Variants in ANKRD7 observed in about 807,000 individuals in gnomAD.
ANKRD7 encodes the protein ankyrin repeat domain 7, also known as ankyrin repeat domain-containing protein 7.
A neutral mutation model predicts 30.8 loss-of-function variants in ANKRD7; 30 were observed. That is an observed-to-expected ratio of 0.97 (90% CI 0.73 to 1.32). The LOEUF is 1.32. Among genes scored for constraint, ANKRD7 ranks in the 40% most tolerant of loss-of-function variants. ANKRD7 has a pLI of 0.00. For synonymous variants in ANKRD7, 97 were observed against 106.6 expected, an observed-to-expected ratio of 0.91 and a Z score of 0.55; for missense variants, 264 against 295.7, an observed-to-expected ratio of 0.89 and a Z score of 0.79.
intron 5 of ANKRD7, among the ~76,000 whole-genome samples, chr7:118,238,131 G>C (rs1182870922): frequency 6.6e-6 from 1 of 152,052 alleles, no homozygotes; most frequent in African/African-American, 2.4e-5. Context: ...TTGATGAGAA[G>C]GAAATCTTAC....
At chr7:118,235,816 C>G (rs901273141) in intron 3 of ANKRD7, among the ~76,000 whole-genome samples, 2 of 152,116 alleles carry the variant, frequency 1.3e-5, no homozygotes, top group Non-Finnish European at 2.9e-5. Context: ...CTCTTACCTA[C>G]AATTTGAATT....
chr7:118,240,094 T>G, intron 6 of ANKRD7, 96 bp downstream of exon 6: 1 of 499,134 alleles, frequency 2.0e-6, no homozygotes, highest in Non-Finnish European at 3.1e-6. Flanking sequence ...ACATTTAATT[T>G]TAAAATGGAA....
intron 4 of ANKRD7, 63 bp downstream of exon 4, chr7:118,236,210 A>ATGTGTGTG (rs3993811): frequency 0.031 from 18,909 of 604,972 alleles, 211 homozygotes; most frequent in African/African-American, 0.038. Flanking sequence ...GTGTGTGCGT[A>ATGTGTGTG]TGTGTGTGTG....
At chr7:118,239,778 G>T (rs2116027068) in intron 5 of ANKRD7, 131 bp from the exon 6 acceptor site, 1 of 424,124 alleles carries the variant, frequency 2.4e-6, no homozygotes. Context: ...TGGCTCAAGA[G>T]GAAGCTTGTC....
intron 1 of ANKRD7, chr7:118,227,910 T>G (rs1213317146): frequency 1.5e-6 from 2 of 1,346,482 alleles, no homozygotes; most frequent in Non-Finnish European, 2.0e-6. Context: ...TTATGTCTTT[T>G]TTTTTTTTTT....
At chr7:118,241,502 G>GAGAATT (rs1318179727) in intron 6 of ANKRD7, among the ~76,000 whole-genome samples, 1 of 140,016 alleles carries the variant, frequency 7.1e-6, no homozygotes, top group East Asian at 2.1e-4. Flanking sequence ...AAACTTAGGG[G>GAGAATT]AGAATTTCTC....
rs190131049 is a variant in ANKRD7, at chr7:118,227,973, C to T, written c.179+2964C>T. On this transcript the variant is annotated intron_variant, in intron 1 of 6. Transcript: ENST00000265224. The stretch of plus-strand genomic sequence containing the variant: ...AGATGGCTTTTATCCTACACCACTC[C>T]GCTGAATGACTTTATAAGGTAATCG... 5,599 of 1,325,910 alleles carry T rather than the reference C, an allele frequency of 4.2e-3. 13 individuals are homozygous for T. The highest frequency in any genetic ancestry group is 5.2e-3 in the Non-Finnish European group (5,190 of 998,460). 82.1% of individuals were successfully genotyped at this position (1,325,910 alleles called of 1,614,324 possible).
Position 118,226,969 on chromosome 7 carries a change from A to G in ANKRD7, c.179+1960A>G, listed in dbSNP as rs116184120. ...TTTGATTACAGAGCTTAATCTATTT[A>G]CACTTAAAGTATTTATAGATAGGGA... is the stretch of plus-strand genomic sequence containing the variant. On this transcript the variant is annotated intron_variant, in intron 1 of 6. Transcript: ENST00000265224. Among the ~76,000 whole-genome samples the G allele has an allele frequency of 1.2e-3, 188 of 152,314 alleles. 1 individual carries two copies. The highest frequency in any genetic ancestry group is 4.3e-3 in the African/African-American group (177 of 41,564).
intron 1 of ANKRD7, among the ~76,000 whole-genome samples, chr7:118,232,334 G>A (rs1809656355): frequency 6.6e-6 from 1 of 151,960 alleles, no homozygotes; most frequent in African/African-American, 2.4e-5. Flanking sequence ...TAAGATGACT[G>A]CTTTAAAAGG....
intron 5 of ANKRD7, 179 bp from the exon 6 acceptor site, chr7:118,239,730 G>A (rs1809792019): frequency 2.7e-6 from 1 of 364,604 alleles, no homozygotes; most frequent in Non-Finnish European, 5.0e-6. Context: ...CCAGAGAATG[G>A]GAGTACATGA....
intron 1 of ANKRD7, 147 bp downstream of exon 1, chr7:118,225,156 G>T: frequency 2.2e-6 from 2 of 914,154 alleles, no homozygotes; most frequent in Non-Finnish European, 1.6e-6. Context: ...TTGGCAGAGG[G>T]TCCCACTCCA....
At chr7:118,232,994 T>A (rs917515130) in intron 1 of ANKRD7, among the ~76,000 whole-genome samples, 6 of 152,194 alleles carry the variant, frequency 3.9e-5, no homozygotes, top group Non-Finnish European at 8.8e-5. Flanking sequence ...AAAACTCCTA[T>A]TACATAAGGA....
chr7:118,236,970 T>G (rs768952025), intron 5 of ANKRD7, 44 bp downstream of exon 5: 19 of 1,600,438 alleles, frequency 1.2e-5, no homozygotes, highest in Non-Finnish European at 1.6e-5. Context: ...TGGGGTTTGA[T>G]TATAAGGATC....
intron 1 of ANKRD7, among the ~76,000 whole-genome samples, chr7:118,231,174 C>G (rs1030445228): frequency 3.3e-5 from 5 of 151,980 alleles, no homozygotes; most frequent in African/African-American, 1.2e-4. Context: ...GTTTTTTAAA[C>G]AAAGATCTGC....
At chr7:118,237,259 A>G (rs1809746341) in intron 5 of ANKRD7, among the ~76,000 whole-genome samples, 1 of 152,230 alleles carries the variant, frequency 6.6e-6, no homozygotes, top group Admixed American at 6.5e-5. Flanking sequence ...CATTGCCTTT[A>G]GATATTATTA....
At chr7:118,230,651 T>TAG (rs145201143) in intron 1 of ANKRD7, among the ~76,000 whole-genome samples, 52 of 148,882 alleles carry the variant, frequency 3.5e-4, no homozygotes, top group East Asian at 7.8e-4. Context: ...TGTGTGTGTG[T>TAG]AGAGAGAGAG....
chr7:118,228,967 C>G (rs1257276152), intron 1 of ANKRD7, among the ~76,000 whole-genome samples: 1 of 152,160 alleles, frequency 6.6e-6, no homozygotes, highest in Non-Finnish European at 1.5e-5. Context: ...CAATCACTTT[C>G]CATCTTACTA....
At chr7:118,236,209 T>C in intron 4 of ANKRD7, 62 bp downstream of exon 4, 1 of 867,864 alleles carries the variant, frequency 1.2e-6, no homozygotes, top group Non-Finnish European at 1.8e-6. Flanking sequence ...TGTGTGTGCG[T>C]ATGTGTGTGT....
rs1330704877 is a variant in ANKRD7, at chr7:118,231,631, T to C, written c.180-2800T>C. On this transcript the variant is annotated intron_variant, in intron 1 of 6. Coordinates refer to ENST00000265224, the MANE Select transcript of ANKRD7 (RefSeq NM_019644.4). Reference sequence around the variant, plus strand: ...ACAGCTATGCCCTGGCCCTGTACTCTGTCTAGCAGATAACACTTTTCACTT... The same window carrying C: ...ACAGCTATGCCCTGGCCCTGTACTCCGTCTAGCAGATAACACTTTTCACTT... Among the ~76,000 whole-genome samples the C allele has an allele frequency of 2.0e-5, 3 of 152,132 alleles. 1 individual carries two copies. Among genetic ancestry groups the C allele is most frequent in the African/African-American group, 7.2e-5 (3 of 41,460 alleles).
Sources: allele counts gnomAD v4.1 joint callset (sites outside exome capture counted in the v4.1 genomes callset), GRCh38; gene constraint gnomAD v4.1.1; transcripts MANE v1.5; gene names NCBI Gene and HGNC (gene_info 2026-07-23, HGNC 2026-07-21).